The following DLG2 variants were observed in gnomAD, a reference collection of about 807,000 sequenced individuals.
DLG2 encodes discs large MAGUK scaffold protein 2, also known as disks large homolog 2.
A neutral mutation model predicts 132.5 loss-of-function variants in DLG2; 45 were observed. That is an observed-to-expected ratio of 0.34 (90% CI 0.27 to 0.44). DLG2 has a LOEUF of 0.44. Ranked by LOEUF, DLG2 falls within the 20% of genes least tolerant of loss-of-function variation. The probability of loss-of-function intolerance (pLI) is 1.00; values close to 1 mark genes in which losing one functional copy is unlikely to be tolerated. For synonymous variants in DLG2, 424 were observed against 419.6 expected, an observed-to-expected ratio of 1.01 and a Z score of -0.13; for missense variants, 1,045 against 1,196.9, an observed-to-expected ratio of 0.87 and a Z score of 1.87.
chr11:84,518,967 A>G (rs2154516120), intron 7 of DLG2, among the ~76,000 whole-genome samples: 1 of 152,272 alleles, frequency 6.6e-6, no homozygotes, highest in East Asian at 1.9e-4. Flanking sequence ...TTAGTAAAAC[A>G]GAGACCATAA....
At chr11:83,787,795 G>T (rs2040433491) in intron 17 of DLG2, among the ~76,000 whole-genome samples, 1 of 152,150 alleles carries the variant, frequency 6.6e-6, no homozygotes, top group Non-Finnish European at 1.5e-5. Flanking sequence ...AACTCTGCCA[G>T]GGTGAAAGGC....
At chr11:85,585,362 T>A (rs1200045595) in intron 3 of DLG2, among the ~76,000 whole-genome samples, 1 of 152,190 alleles carries the variant, frequency 6.6e-6, no homozygotes, top group Non-Finnish European at 1.5e-5. Context: ...TTGGTCTATA[T>A]GAGCCCTACC....
intron 18 of DLG2, among the ~76,000 whole-genome samples, chr11:83,656,712 C>G (rs573743260): frequency 3.3e-5 from 5 of 152,322 alleles, no homozygotes; most frequent in Admixed American, 1.3e-4. Context: ...CCAATGCAAT[C>G]TGCTAATCTA....
Position 84,334,415 on chromosome 11 carries a change from T to C in DLG2, c.520-83124A>G, listed in dbSNP as rs577500189. 8.5e-5 allele frequency among the ~76,000 whole-genome samples: 13 copies of C among 152,308 alleles called. No individual in the cohort carries two copies. In the South Asian group the frequency reaches 1.0e-3, roughly 12 times the overall value. On this transcript the variant is annotated intron_variant, in intron 7 of 27. Coordinates refer to ENST00000376104, the MANE Select transcript of DLG2 (RefSeq NM_001142699.3). ...TGCCATCCTTACCCACTAGCAGATA[T>C]AGAGGTGTTTGTTTAACCACTTTTC...
chr11:83,819,094 T>C (rs923146526), intron 17 of DLG2, among the ~76,000 whole-genome samples: 1 of 152,142 alleles, frequency 6.6e-6, no homozygotes, highest in African/African-American at 2.4e-5. Flanking sequence ...GACTCAGGTC[T>C]ATATGTGCCT....
At chr11:84,842,576 C>A (rs1248971948) in intron 6 of DLG2, among the ~76,000 whole-genome samples, 1 of 151,954 alleles carries the variant, frequency 6.6e-6, no homozygotes, top group African/African-American at 2.4e-5. Context: ...GGGCCATACA[C>A]AAATGCCCCG....
intron 5 of DLG2, among the ~76,000 whole-genome samples, chr11:85,147,325 A>T (rs1226877416): frequency 6.6e-6 from 1 of 152,156 alleles, no homozygotes; most frequent in African/African-American, 2.4e-5. Flanking sequence ...ACTTTTTGAT[A>T]AAGCCATCCT....
chr11:85,127,151 A>G (rs349077), intron 5 of DLG2, among the ~76,000 whole-genome samples: 22,518 of 151,822 alleles, frequency 0.15, 1,942 homozygotes, highest in East Asian at 0.37. Flanking sequence ...TGCATCCTCT[A>G]TATCTTGTTA....
chr11:84,439,643 C>T (rs1175711561), intron 7 of DLG2, among the ~76,000 whole-genome samples: 1 of 152,210 alleles, frequency 6.6e-6, no homozygotes, highest in African/African-American at 2.4e-5. Context: ...TACATGGTAA[C>T]TCCTGCTTAG....
chr11:85,221,027 C>T (rs1273710608), intron 4 of DLG2, among the ~76,000 whole-genome samples: 2 of 151,304 alleles, frequency 1.3e-5, no homozygotes, highest in Non-Finnish European at 2.9e-5. Flanking sequence ...ATGGCCTACT[C>T]AATAAAAAGT....
intron 6 of DLG2, among the ~76,000 whole-genome samples, chr11:84,988,955 G>A (rs2056800934): frequency 6.6e-6 from 1 of 151,864 alleles, no homozygotes; most frequent in South Asian, 2.1e-4. Flanking sequence ...TTCTACATAG[G>A]AAAATCCTAG....
intron 11 of DLG2, among the ~76,000 whole-genome samples, chr11:83,987,352 A>G (rs2093399146): frequency 6.6e-6 from 1 of 152,126 alleles, no homozygotes; most frequent in African/African-American, 2.4e-5. Flanking sequence ...ACTACTTTAA[A>G]GTTCATGTGG....
intron 3 of DLG2, among the ~76,000 whole-genome samples, chr11:85,531,350 G>A (rs905421638): frequency 6.6e-6 from 1 of 152,154 alleles, no homozygotes; most frequent in East Asian, 1.9e-4. Flanking sequence ...CAAACAGGGT[G>A]ATTTAAGAAT....
chr11:84,085,916 T>A (rs1566418790), intron 10 of DLG2, among the ~76,000 whole-genome samples: 1 of 152,194 alleles, frequency 6.6e-6, no homozygotes, highest in Non-Finnish European at 1.5e-5. Context: ...CCTGAATTAA[T>A]CCCCTAAATT....
intron 7 of DLG2, among the ~76,000 whole-genome samples, chr11:84,431,599 T>C (rs144499078): frequency 6.6e-6 from 1 of 152,288 alleles, no homozygotes; most frequent in East Asian, 1.9e-4. Context: ...CACATAATAT[T>C]TGTTGAGTCT....
intron 3 of DLG2, among the ~76,000 whole-genome samples, chr11:85,563,219 T>C (rs1420428510): frequency 6.6e-6 from 1 of 151,776 alleles, no homozygotes; most frequent in South Asian, 2.1e-4. Context: ...TTTATTGAGG[T>C]ATAATTTACA....
intron 6 of DLG2, among the ~76,000 whole-genome samples, chr11:84,608,367 A>C (rs566812098): frequency 6.6e-6 from 1 of 152,302 alleles, no homozygotes; most frequent in Admixed American, 6.5e-5. Context: ...CCTAGGGTAG[A>C]AACAAGCTGC....
intron 3 of DLG2, among the ~76,000 whole-genome samples, chr11:85,519,085 C>T (rs1252510336): frequency 1.3e-5 from 2 of 152,116 alleles, no homozygotes; most frequent in East Asian, 3.9e-4. Context: ...TCATGGAGAA[C>T]CTCCACTAGG....
intron 6 of DLG2, among the ~76,000 whole-genome samples, chr11:84,792,893 TTTTC>T (rs777738693): frequency 5.0e-4 from 76 of 152,258 alleles, no homozygotes; most frequent in Non-Finnish European, 8.2e-4. Context: ...TTTTGCATTG[TTTTC>T]TTTGTTTCAA....
Sources: gnomAD v4.1 joint callset for allele counts (sites outside exome capture counted in the v4.1 genomes callset) on GRCh38, gnomAD v4.1.1 for gene constraint, MANE v1.5 for transcripts, NCBI Gene and HGNC (gene_info 2026-07-23, HGNC 2026-07-21) for gene names.